Variants in MSANTD1 observed in about 807,000 individuals in gnomAD.
MSANTD1 encodes Myb/SANT DNA binding domain containing 1.
A neutral mutation model predicts 24.2 loss-of-function variants in MSANTD1; 7 were observed. The ratio of observed to expected loss-of-function variants is 0.29; its 90% CI spans 0.16 to 0.54. The LOEUF (loss-of-function observed/expected upper bound fraction) is 0.54. Ranked by LOEUF, MSANTD1 falls within the 20% of genes least tolerant of loss-of-function variation. The pLI, the probability that MSANTD1 is intolerant of heterozygous loss-of-function variation, is 0.94. For missense variants in MSANTD1, 384 were observed against 408.2 expected, an observed-to-expected ratio of 0.94 and a Z score of 0.51; for synonymous variants, 177 against 181.1, an observed-to-expected ratio of 0.98 and a Z score of 0.18.
At chr4:3,252,848 A>C (rs1013441074) in intron 1 of MSANTD1, among the ~76,000 whole-genome samples, 1 of 152,220 alleles carries the variant, frequency 6.6e-6, no homozygotes, top group African/African-American at 2.4e-5. Context: ...TACCTTTCAA[A>C]ATGAATTATT....
rs1212318406 is a variant in MSANTD1 at position 3,249,161 on chromosome 4, A to C, written c.-62A>C. 3.1e-6 allele frequency: 4 copies of C among 1,310,224 alleles called. No individual in the cohort carries two copies. The highest frequency in any genetic ancestry group is 7.3e-5 in the Admixed American group (2 of 27,502). 81.2% of individuals were successfully genotyped at this position (1,310,224 alleles called of 1,614,324 possible). On this transcript the variant is annotated 5_prime_UTR_variant, in exon 1 of 3. An upstream start codon of the reference 5' UTR is lost. Transcript: ENST00000438480. ...TTTTAACTAAATTCCTGCCTGTCAG[A>C]TGTAGGCCCCATTTTGAGCGTGGAG... is the stretch of plus-strand genomic sequence containing the variant.
At chr4:3,245,283 T>G (rs1486105842), upstream of MSANTD1, 2 of 152,446 alleles carry the variant, frequency 1.3e-5, no homozygotes, top group Non-Finnish European at 2.9e-5. Flanking sequence ...GAGCACACCC[T>G]GTCCCCTTGC....
chr4:3,255,138 C>T lies in MSANTD1; in HGVS notation c.597-587C>T, dbSNP rs530113642. 9.6e-4 allele frequency among the ~76,000 whole-genome samples: 146 copies of T among 152,346 alleles called. 1 individual carries two copies. The Middle Eastern group carries it at 0.02, about 21-fold the overall frequency. On this transcript the variant is annotated intron_variant, in intron 2 of 2. Coordinates refer to ENST00000438480, the MANE Select transcript of MSANTD1 (RefSeq NM_001042690.2). The stretch of plus-strand genomic sequence containing the variant: ...CCAGAACATCCCACCCTTTCCAGAC[C>T]GAAGGGGTGTGGATTGTCCTGGGAC...
chr4:3,251,766 T>C (rs1249319191), intron 1 of MSANTD1, among the ~76,000 whole-genome samples: 1 of 151,754 alleles, frequency 6.6e-6, no homozygotes, highest in African/African-American at 2.4e-5. Flanking sequence ...GGGTGGCTGG[T>C]TCTGTGGAGC....
rs1390159596 is a variant in MSANTD1, at chr4:3,256,478, A to T, written c.*513A>T. 2.0e-5 allele frequency: 3 copies of T among 152,340 alleles called. No individual in the cohort carries two copies. Among genetic ancestry groups the T allele is most frequent in the Non-Finnish European group, 4.4e-5 (3 of 68,118 alleles). The allele number at this position is 152,340 out of a possible 1,614,324, so 9.4% of individuals were successfully genotyped here. A position where few individuals can be genotyped will look rare whatever the true frequency, so the allele number is the denominator to read the frequency against. On this transcript the variant is annotated 3_prime_UTR_variant, in exon 3 of 3. Coordinates refer to ENST00000438480, the MANE Select transcript of MSANTD1 (RefSeq NM_001042690.2). ...ACCAGGACCTCTGCGTCTCTCCTTA[A>T]ATGGCCTCTGACGCCTGATGAAAAC...
In MSANTD1 at chr4:3,249,303, G is replaced by C. The variant is rs775518667; in HGVS notation, c.81G>C (p.Glu27Asp). Reference protein sequence around the residue: ...PTGASGMAAAEGPGYLVSPQA... With the variant: ...PTGASGMAAADGPGYLVSPQA... ...GCGCCTCCGGCATGGCGGCGGCCGA[G>C]GGGCCCGGCTACCTCGTGTCTCCCC... is the stretch of plus-strand genomic sequence containing the variant. Residue 27 changes from glutamate to aspartate, a missense_variant, in exon 1 of 3, where the codon GAG becomes GAC. Coordinates refer to ENST00000438480, the MANE Select transcript of MSANTD1 (RefSeq NM_001042690.2). 1 of 1,535,778 alleles carries C rather than the reference G, an allele frequency of 6.5e-7. No homozygotes were observed. Among genetic ancestry groups the C allele is most frequent in the Non-Finnish European group, 8.8e-7 (1 of 1,136,198 alleles).
upstream of MSANTD1, chr4:3,248,673 G>GCCCCAGGA (rs1722112212): frequency 6.5e-6 from 1 of 153,158 alleles, no homozygotes; most frequent in South Asian, 2.1e-4. Flanking sequence ...TGAGGGCCCA[G>GCCCCAGGA]CCCCAGGACC....
chr4:3,250,622 G>T (rs1037483254), intron 1 of MSANTD1, among the ~76,000 whole-genome samples: 1 of 152,184 alleles, frequency 6.6e-6, no homozygotes, highest in Non-Finnish European at 1.5e-5. Flanking sequence ...GCTGCAGGGG[G>T]AGAATGGCAG....
chr4:3,248,932 G>A (rs949462835), upstream of MSANTD1: 10 of 331,550 alleles, frequency 3.0e-5, no homozygotes, highest in South Asian at 1.4e-4. Context: ...ACTGGGGGCC[G>A]ATCCGCCTGG....
At chr4:3,247,417 G>C (rs1437820264), upstream of MSANTD1, 1 of 152,234 alleles carries the variant, frequency 6.6e-6, no homozygotes, top group Non-Finnish European at 1.5e-5. Context: ...CTACGGAAAG[G>C]GCATTCGGAC....
chr4:3,245,839 G>C (rs774058840), upstream of MSANTD1, among the ~76,000 whole-genome samples: 1 of 152,188 alleles, frequency 6.6e-6, no homozygotes, highest in Non-Finnish European at 1.5e-5. Flanking sequence ...CCCTACACCA[G>C]GCCTCCAGGT....
At position 3,255,907 on chromosome 4, in the gene MSANTD1, A is replaced by T; in HGVS notation, c.779A>T (p.Gln260Leu). 6.5e-7 allele frequency: 1 copy of T among 1,545,692 alleles called. No individual in the cohort carries two copies. The highest frequency in any genetic ancestry group is 8.7e-7 in the Non-Finnish European group (1 of 1,146,252). The stretch of plus-strand genomic sequence containing the variant: ...CACATCCTGCAGGTGCAGAGCCTGC[A>T]GCTGCAGGAGCGCATGATGAGTCTG... Reference protein sequence around the residue: ...QQHILQVQSLQLQERMMSLLE... With the variant: ...QQHILQVQSLLLQERMMSLLE... Residue 260 changes from glutamine to leucine, a missense_variant, in exon 3 of 3, where the codon CAG (glutamine) becomes CTG (leucine). Gln to Leu is a moderately radical substitution (Grantham distance 113). Coordinates refer to ENST00000438480, the MANE Select transcript of MSANTD1 (RefSeq NM_001042690.2).
chr4:3,246,471 G>T (rs1722031355), upstream of MSANTD1: 32 of 465,264 alleles, frequency 6.9e-5, no homozygotes, highest in East Asian at 1.1e-3. Flanking sequence ...TCATTATTTA[G>T]AAGGGATGGA....
At position 3,253,446 on chromosome 4, in the gene MSANTD1, C is replaced by G; in HGVS notation, c.560C>G (p.Ser187Cys). 2 of 1,576,658 alleles carry G rather than the reference C, an allele frequency of 1.3e-6. No homozygotes were observed. Among genetic ancestry groups the G allele is most frequent in the Non-Finnish European group, 8.6e-7 (1 of 1,157,092 alleles). Residue 187 changes from serine to cysteine, a missense_variant, in exon 2 of 3, where the codon TCC (serine) becomes TGC (cysteine). By Grantham distance (112) the Ser-to-Cys change is moderately radical. Coordinates refer to ENST00000438480, the MANE Select transcript of MSANTD1 (RefSeq NM_001042690.2). ...GAAGGCCGCTTCGAGGATGATCGCT[C>G]CGACAGCTCCTCCAGCTTACTGTCC... ...SYEGRFEDDR[S>C]DSSSSLLSLK...
At chr4:3,244,630 C>G (rs571937092), upstream of MSANTD1, 2 of 152,290 alleles carry the variant, frequency 1.3e-5, no homozygotes, top group Admixed American at 1.3e-4. Flanking sequence ...ACGAGCCTCT[C>G]GGAAGCCTTG....
chr4:3,244,941 A>G (rs759148411), upstream of MSANTD1: 5 of 152,302 alleles, frequency 3.3e-5, no homozygotes, highest in Non-Finnish European at 5.9e-5. Context: ...TGTGGTGGAC[A>G]GGCCTAAAGC....
chr4:3,247,607 G>A (rs755084467), upstream of MSANTD1: 1 of 152,458 alleles, frequency 6.6e-6, no homozygotes, highest in Non-Finnish European at 1.5e-5. Context: ...CCAGGCAGTA[G>A]GGATGATGTC....
chr4:3,252,040 A>G (rs1383777555), intron 1 of MSANTD1, among the ~76,000 whole-genome samples: 3 of 152,164 alleles, frequency 2.0e-5, no homozygotes, highest in Non-Finnish European at 4.4e-5. Flanking sequence ...ATTGTTTCCA[A>G]CGGCCAATGG....
chr4:3,252,233 G>T (rs1253196353), intron 1 of MSANTD1, among the ~76,000 whole-genome samples: 2 of 152,234 alleles, frequency 1.3e-5, no homozygotes, highest in African/African-American at 2.4e-5. Flanking sequence ...CCACCTTGTG[G>T]CTTCTTCCCT....
Sources: gnomAD v4.1 joint callset for allele counts (sites outside exome capture counted in the v4.1 genomes callset) on GRCh38, gnomAD v4.1.1 for gene constraint, MANE v1.5 for transcripts, NCBI Gene and HGNC (gene_info 2026-07-23, HGNC 2026-07-21) for gene names.